Variants in TRERF1 observed in about 807,000 individuals in gnomAD.
The protein encoded by TRERF1 is transcriptional regulating factor 1, also known as transcriptional-regulating factor 1.
TRERF1 carries 27 observed loss-of-function variants against 122.9 expected under a neutral mutation model. The observed-to-expected ratio is 0.22, with a 90% CI of 0.16 to 0.30. TRERF1 has a LOEUF of 0.30. Ranked by LOEUF, TRERF1 falls within the 10% of genes least tolerant of loss-of-function variation. The pLI is 1.00. For synonymous variants in TRERF1, 636 were observed against 641.7 expected, an observed-to-expected ratio of 0.99 and a Z score of 0.13; for missense variants, 1,248 against 1,560.3, an observed-to-expected ratio of 0.80 and a Z score of 3.37.
chr6:42,232,730 T>C lies in TRERF1; in HGVS notation c.3229A>G (p.Ser1077Gly). The C allele has an allele frequency of 1.9e-6, 3 of 1,609,238 alleles. No homozygotes were observed. The highest frequency in any genetic ancestry group is 2.6e-6 in the Non-Finnish European group (3 of 1,175,930). ...ATGGTGGTGGGGTCTGTCTCGCCGC[T>C]GGTGGTGCTGTGAGAGGGTGAGCTC... Residue 1077 changes from serine to glycine, a missense_variant, in exon 17 of 18, where the codon AGC (serine) becomes GGC (glycine). Physicochemically the swap from Ser to Gly is moderately conservative, Grantham distance 56. Coordinates refer to ENST00000372922, the Ensembl canonical transcript of TRERF1. This position sits in a 1 kb window ranked among gnomAD's most constrained non-coding sequence, Gnocchi z 4.5.
chr6:42,353,954 ATATG>A (rs780419647), intron 3 of TRERF1, among the ~76,000 whole-genome samples: 3 of 152,222 alleles, frequency 2.0e-5, no homozygotes, highest in African/African-American at 4.8e-5. Flanking sequence ...TCAACAATGG[ATATG>A]TATTACTTTA....
At chr6:42,277,877 G>A (rs868376720) in intron 4 of TRERF1, among the ~76,000 whole-genome samples, 1,740 of 114,906 alleles carry the variant, frequency 0.015, 97 homozygotes, top group South Asian at 0.021. Context: ...GGAAGAAGAA[G>A]GAAGAAGGAA....
chr6:42,352,843 T>A (rs1352751554), intron 3 of TRERF1, among the ~76,000 whole-genome samples: 3 of 152,220 alleles, frequency 2.0e-5, no homozygotes, highest in African/African-American at 7.2e-5. Flanking sequence ...AATGAGATCA[T>A]CTTTATCTCT....
intron 8 of TRERF1, among the ~76,000 whole-genome samples, chr6:42,260,874 C>G (rs1194853995): frequency 6.6e-6 from 1 of 152,170 alleles, no homozygotes; most frequent in African/African-American, 2.4e-5. Context: ...GGCTCTGCCC[C>G]CTTCTGTTTC....
chr6:42,391,177 G>A (rs999539056), intron 2 of TRERF1, among the ~76,000 whole-genome samples: 1 of 152,284 alleles, frequency 6.6e-6, no homozygotes, highest in Non-Finnish European at 1.5e-5. Context: ...AGGGCTTTTC[G>A]AGATCTTCTC....
In TRERF1 at chr6:42,314,161, T is replaced by C. The variant is rs536789671; in HGVS notation, c.-370-13412A>G. Among the ~76,000 whole-genome samples, 5 of 152,014 alleles carry C rather than the reference T, an allele frequency of 3.3e-5. No homozygotes were observed. In the South Asian group the frequency reaches 8.3e-4, roughly 25 times the overall value. Reference sequence around the variant, plus strand: ...AACTAATTACTTTTAGACAAATGCATGTACATATTAGGAAATGAAAACCTC... The same window carrying C: ...AACTAATTACTTTTAGACAAATGCACGTACATATTAGGAAATGAAAACCTC... On this transcript the variant is annotated intron_variant, in intron 3 of 17. Coordinates refer to ENST00000372922, the Ensembl canonical transcript of TRERF1.
intron 2 of TRERF1, among the ~76,000 whole-genome samples, chr6:42,433,986 G>A (rs971770316): frequency 6.6e-6 from 1 of 152,188 alleles, no homozygotes; most frequent in African/African-American, 2.4e-5. Flanking sequence ...TTGTGCCACT[G>A]TACTCCAGCT....
At chr6:42,338,659 C>T (rs1268271395) in intron 3 of TRERF1, among the ~76,000 whole-genome samples, 2 of 152,116 alleles carry the variant, frequency 1.3e-5, no homozygotes, top group African/African-American at 4.8e-5. Context: ...ACACACCATT[C>T]CTAGGAGTCC....
intron 6 of TRERF1, 142 bp from the exon 7 acceptor site, chr6:42,264,996 C>T: frequency 2.2e-6 from 2 of 892,262 alleles, no homozygotes; most frequent in Non-Finnish European, 3.4e-6. Context: ...TTGTATCACC[C>T]CAGTGCCCTT....
At chr6:42,239,292 A>G (rs1773067069) in intron 15 of TRERF1, among the ~76,000 whole-genome samples, 1 of 152,132 alleles carries the variant, frequency 6.6e-6, no homozygotes, top group Non-Finnish European at 1.5e-5. Context: ...GAATTGTGCT[A>G]AATTTTGATC....
At chr6:42,256,989 A>G in exon 11 of TRERF1, 1 of 1,614,198 alleles carries the variant, frequency 6.2e-7, no homozygotes. Flanking sequence ...ATGGTTTTCT[A>G]GTTCTGGCCA....
At chr6:42,322,453 G>A (rs1048006949) in intron 3 of TRERF1, among the ~76,000 whole-genome samples, 5 of 152,058 alleles carry the variant, frequency 3.3e-5, no homozygotes, top group African/African-American at 9.7e-5. Context: ...AAATTCCTCC[G>A]AATGCAAACC....
At chr6:42,414,518 G>A (rs564269373) in intron 2 of TRERF1, among the ~76,000 whole-genome samples, 2 of 152,136 alleles carry the variant, frequency 1.3e-5, no homozygotes, top group Admixed American at 6.5e-5. Context: ...TCCAAATTAC[G>A]TTTCTGAGAT....
At chr6:42,421,988 T>G (rs578014917) in intron 2 of TRERF1, among the ~76,000 whole-genome samples, 1 of 149,066 alleles carries the variant, frequency 6.7e-6, no homozygotes, top group Non-Finnish European at 1.5e-5. Context: ...GCCAACATGG[T>G]GAAACCCTCT....
intron 2 of TRERF1, among the ~76,000 whole-genome samples, chr6:42,427,919 G>A (rs971893563): frequency 7.9e-5 from 12 of 152,110 alleles, no homozygotes; most frequent in African/African-American, 2.4e-4. Flanking sequence ...TGTATACCTT[G>A]AACAGTTTCT....
At chr6:42,305,660 A>G (rs928691017) in intron 3 of TRERF1, among the ~76,000 whole-genome samples, 3 of 152,162 alleles carry the variant, frequency 2.0e-5, no homozygotes, top group South Asian at 4.1e-4. Context: ...ATGAAGCAGG[A>G]CCAAATGAAG....
At chr6:42,378,666 G>A (rs566996858) in intron 2 of TRERF1, among the ~76,000 whole-genome samples, 80 of 152,234 alleles carry the variant, frequency 5.3e-4, no homozygotes, top group African/African-American at 1.6e-3. Flanking sequence ...TAGGAGAGTC[G>A]ATGCCTAGTC....
At chr6:42,408,295 ATG>A (rs1780572066) in intron 2 of TRERF1, among the ~76,000 whole-genome samples, 1 of 109,796 alleles carries the variant, frequency 9.1e-6, no homozygotes, top group South Asian at 3.1e-4. Context: ...ATGTGTGTGT[ATG>A]TATATATACA....
chr6:42,391,662 A>C (rs555295994), intron 2 of TRERF1, among the ~76,000 whole-genome samples: 11 of 152,028 alleles, frequency 7.2e-5, no homozygotes, highest in Non-Finnish European at 1.3e-4. Context: ...CTAAGAGCCT[A>C]TACTCTCCCA....
Sources: gnomAD v4.1 joint callset for allele counts (sites outside exome capture counted in the v4.1 genomes callset) on GRCh38, gnomAD v4.1.1 for gene constraint, Gnocchi (gnomAD v3.1) non-coding constraint, MANE v1.5 for transcripts, NCBI Gene and HGNC (gene_info 2026-07-23, HGNC 2026-07-21) for gene names.